The following DPH6 variants were observed in gnomAD, a reference collection of about 807,000 sequenced individuals.
DPH6 encodes diphthine--ammonia ligase.
Under a neutral mutation model 38.2 loss-of-function variants are expected in DPH6, and 33 were observed. That is an observed-to-expected ratio of 0.86 (90% CI 0.65 to 1.15). DPH6 has a LOEUF of 1.15. Among genes scored for constraint, DPH6 ranks in the 50% most tolerant of loss-of-function variants. The probability of loss-of-function intolerance (pLI) is 0.00; values close to 1 mark genes in which losing one functional copy is unlikely to be tolerated. For synonymous variants in DPH6, 108 were observed against 103.0 expected (o/e 1.05, Z -0.30); for missense variants, 325 against 320.0 (o/e 1.02, Z -0.12).
chr15:35,186,120 C>T, the DPH6 span, among the ~76,000 whole-genome samples: 73 of 152,234 alleles, frequency 4.8e-4, no homozygotes, highest in East Asian at 0.012. Context: ...TGCCTTTGAA[C>T]CATGTCTCTG....
chr15:35,312,627 G>A (rs1415199633), intron 3 of DPH6, among the ~76,000 whole-genome samples: 5 of 152,156 alleles, frequency 3.3e-5, no homozygotes, highest in African/African-American at 1.2e-4. Context: ...AGGAATAACA[G>A]ACATGACACA....
the DPH6 span, among the ~76,000 whole-genome samples, chr15:35,184,307 TC>T: frequency 6.6e-6 from 1 of 152,106 alleles, no homozygotes; most frequent in African/African-American, 2.4e-5. Context: ...CTACTCTAAA[TC>T]CTTCAAAGAA....
chr15:35,504,421 G>A (rs2141203060), intron 3 of DPH6, among the ~76,000 whole-genome samples: 1 of 151,482 alleles, frequency 6.6e-6, no homozygotes, highest in South Asian at 2.1e-4. Flanking sequence ...TTCTACAACT[G>A]CCCATCCTGC....
At chr15:35,205,423 T>C in the DPH6 span, among the ~76,000 whole-genome samples, 64 of 152,166 alleles carry the variant, frequency 4.2e-4, 1 homozygote, top group Middle Eastern at 0.02. Flanking sequence ...TATGTTTACA[T>C]AGGTCTAACT....
At chr15:35,503,222 TAAGTA>T (rs1325318561) in intron 3 of DPH6, among the ~76,000 whole-genome samples, 3 of 151,988 alleles carry the variant, frequency 2.0e-5, no homozygotes, top group Non-Finnish European at 4.4e-5. Context: ...ACCTTTGTTA[TAAGTA>T]AATAAGTAAT....
At chr15:35,459,206 A>G (rs969285393) in intron 3 of DPH6, among the ~76,000 whole-genome samples, 7 of 152,174 alleles carry the variant, frequency 4.6e-5, no homozygotes, top group African/African-American at 1.4e-4. Flanking sequence ...TAAGCTCAAG[A>G]TGCCAGCATG....
intron 3 of DPH6, among the ~76,000 whole-genome samples, chr15:35,275,970 G>A (rs551007499): frequency 9.2e-5 from 14 of 152,112 alleles, no homozygotes; most frequent in Non-Finnish European, 1.6e-4. Context: ...ACACAGTAGT[G>A]GGACTGCTGG....
chr15:35,233,559 T>C (rs2051532841), intron 3 of DPH6, among the ~76,000 whole-genome samples: 1 of 152,210 alleles, frequency 6.6e-6, no homozygotes, highest in African/African-American at 2.4e-5. Flanking sequence ...CAGGGCTTTG[T>C]GGAATGCTCC....
In DPH6 at chr15:35,276,429, T is replaced by C. The variant is rs566598308; in HGVS notation, n.201-55847A>G. 1.1e-3 allele frequency among the ~76,000 whole-genome samples: 171 copies of C among 152,372 alleles called. 1 individual carries two copies. Among genetic ancestry groups the C allele is most frequent in the African/African-American group, 4.0e-3 (165 of 41,590 alleles). On this transcript the variant is annotated intron_variant and non_coding_transcript_variant, in intron 3 of 3. Coordinates refer to the DPH6 transcript ENST00000560386. ...GTTCCTTTTGCCATGCAAAAGATCT[T>C]TAGTTTATTTAAGTCCCAGCTATTC...
At chr15:35,461,247 A>T (rs1018542099) in intron 3 of DPH6, among the ~76,000 whole-genome samples, 1 of 151,998 alleles carries the variant, frequency 6.6e-6, no homozygotes, top group African/African-American at 2.4e-5. Flanking sequence ...CCATACCCTT[A>T]ATTTTTTTGT....
intron 7 of DPH6, among the ~76,000 whole-genome samples, chr15:35,374,094 G>A (rs887730651): frequency 1.3e-5 from 2 of 151,914 alleles, no homozygotes; most frequent in African/African-American, 2.4e-5. Context: ...CAGTATCATT[G>A]CTATTAAAAT....
At chr15:35,241,177 C>T (rs1212151638) in intron 3 of DPH6, among the ~76,000 whole-genome samples, 1 of 143,566 alleles carries the variant, frequency 7.0e-6, no homozygotes, top group Non-Finnish European at 1.5e-5. Flanking sequence ...TCCCAGAGCC[C>T]CTGGAACTCT....
intron 5 of DPH6, among the ~76,000 whole-genome samples, chr15:35,413,851 C>A (rs2053402308): frequency 6.6e-6 from 1 of 151,426 alleles, no homozygotes; most frequent in African/African-American, 2.4e-5. Context: ...CTGCCTCATA[C>A]TGAATTGAAA....
intron 3 of DPH6, chr15:35,522,092 C>G: frequency 6.2e-7 from 1 of 1,612,134 alleles, no homozygotes; most frequent in Non-Finnish European, 8.5e-7. Context: ...AAACTGGAAA[C>G]TCATACTTCA....
the DPH6 span, among the ~76,000 whole-genome samples, chr15:35,212,114 T>C: frequency 1.3e-5 from 2 of 152,192 alleles, no homozygotes; most frequent in African/African-American, 4.8e-5. Context: ...AGATACATCT[T>C]GTGCCACAAG....
chr15:35,256,073 A>G (rs1399561439), intron 3 of DPH6, among the ~76,000 whole-genome samples: 1 of 152,150 alleles, frequency 6.6e-6, no homozygotes, highest in East Asian at 1.9e-4. Context: ...ATTTGCAAGG[A>G]TAGTACAAAG....
intron 3 of DPH6, among the ~76,000 whole-genome samples, chr15:35,508,547 A>C (rs893109590): frequency 6.6e-6 from 1 of 152,176 alleles, no homozygotes; most frequent in Non-Finnish European, 1.5e-5. Flanking sequence ...CACTGGGCTT[A>C]AAGTTTTTTT....
At chr15:35,466,264 G>A (rs911350379) in intron 3 of DPH6, among the ~76,000 whole-genome samples, 15 of 152,214 alleles carry the variant, frequency 9.9e-5, no homozygotes, top group African/African-American at 3.6e-4. Context: ...GAGGACTTCT[G>A]TGAAATGCCT....
chr15:35,542,609 T>G, intron 1 of DPH6, 102 bp from the exon 2 acceptor site: 1 of 1,126,538 alleles, frequency 8.9e-7, no homozygotes, highest in East Asian at 2.4e-5. Context: ...ACTTGACTCT[T>G]CAGAATATAT....
Sources: allele counts gnomAD v4.1 joint callset (sites outside exome capture counted in the v4.1 genomes callset), GRCh38; gene constraint gnomAD v4.1.1; transcripts MANE v1.5; gene names NCBI Gene and HGNC (gene_info 2026-07-23, HGNC 2026-07-21).